The following NFAM1 variants were observed in gnomAD, a reference collection of about 807,000 sequenced individuals.
NFAM1 encodes NFAT activating protein with ITAM motif 1, also known as NFAT activation molecule 1.
NFAM1 carries 17 observed loss-of-function variants against 29.0 expected under a neutral mutation model. The ratio of observed to expected loss-of-function variants is 0.59; its 90% CI spans 0.40 to 0.88. The LOEUF is 0.88. Ranked by LOEUF, NFAM1 falls within the 40% of genes least tolerant of loss-of-function variation. The pLI, the probability that NFAM1 is intolerant of heterozygous loss-of-function variation, is 0.00. For missense variants in NFAM1, 324 were observed against 344.6 expected (o/e 0.94, Z 0.47); for synonymous variants, 175 against 147.2 (o/e 1.19, Z -1.36).
chr22:42,414,425 G>C (rs1930192104), intron 1 of NFAM1, among the ~76,000 whole-genome samples: 2 of 151,994 alleles, frequency 1.3e-5, no homozygotes, highest in South Asian at 4.2e-4. Flanking sequence ...TATAGAGATG[G>C]GGGCTGTTAT....
rs1928914966 is a variant in NFAM1, at chr22:42,380,710, A to C, written c.*4451T>G. 1 of 152,616 alleles carries C rather than the reference A, an allele frequency of 6.6e-6. No individual in the cohort carries two copies. The highest frequency in any genetic ancestry group is 2.4e-5 in the African/African-American group (1 of 41,442). The allele number at this position is 152,616 out of a possible 1,614,324, so 9.5% of individuals were successfully genotyped here. ...GCATAAGCTGTCTGCCAAGAAAACT[A>C]TTGAACTACATAAAAATCCATCCCT... On this transcript the variant is annotated 3_prime_UTR_variant, in exon 6 of 6. Coordinates refer to ENST00000329021, the MANE Select transcript of NFAM1 (RefSeq NM_145912.8).
chr22:42,406,540 T>G (rs568931944), intron 3 of NFAM1, among the ~76,000 whole-genome samples: 1 of 152,260 alleles, frequency 6.6e-6, no homozygotes, highest in South Asian at 2.1e-4. Context: ...CCATGCCCGC[T>G]TCTGCCTCAG....
chr22:42,404,164 T>G (rs777006351), intron 3 of NFAM1, among the ~76,000 whole-genome samples: 5 of 152,276 alleles, frequency 3.3e-5, no homozygotes, highest in Middle Eastern at 3.4e-3. Context: ...TGCTGGCCTT[T>G]GCAGAAGTCA....
intron 1 of NFAM1, among the ~76,000 whole-genome samples, chr22:42,425,806 G>T (rs993377082): frequency 1.3e-5 from 2 of 152,186 alleles, no homozygotes; most frequent in Non-Finnish European, 2.9e-5. Flanking sequence ...TTGGATGCTT[G>T]TTCCTTGGCT....
At chr22:42,433,594 C>T (rs554198719), upstream of NFAM1, among the ~76,000 whole-genome samples, 20 of 152,290 alleles carry the variant, frequency 1.3e-4, no homozygotes, top group African/African-American at 4.3e-4. Flanking sequence ...ACATGCTTTT[C>T]CCTGGGCTGC....
chr22:42,414,378 C>T (rs897394901), intron 1 of NFAM1, among the ~76,000 whole-genome samples: 5 of 151,912 alleles, frequency 3.3e-5, no homozygotes, highest in Admixed American at 2.6e-4. Context: ...CTTCAGGGCA[C>T]GGACTTATCC....
intron 4 of NFAM1, among the ~76,000 whole-genome samples, chr22:42,394,635 T>C (rs369987772): frequency 1.3e-5 from 2 of 152,084 alleles, no homozygotes; most frequent in Non-Finnish European, 1.5e-5. Context: ...ATACTGTAAG[T>C]GCACAAATTA....
intron 3 of NFAM1, among the ~76,000 whole-genome samples, chr22:42,403,267 G>A (rs1929787844): frequency 6.6e-6 from 1 of 152,196 alleles, no homozygotes; most frequent in Admixed American, 6.5e-5. Flanking sequence ...CTGAACGAAG[G>A]CCCAACTCTG....
intron 3 of NFAM1, among the ~76,000 whole-genome samples, chr22:42,404,870 A>T (rs1024308781): frequency 6.6e-6 from 1 of 150,726 alleles, no homozygotes; most frequent in Non-Finnish European, 1.5e-5. Context: ...AAAAAAAAAA[A>T]AAGTGCTCTC....
chr22:42,428,424 C>A (rs1012772365), intron 1 of NFAM1, among the ~76,000 whole-genome samples: 1 of 152,144 alleles, frequency 6.6e-6, no homozygotes, highest in East Asian at 1.9e-4. Flanking sequence ...CAGGCAGGGG[C>A]TCCTGAACAT....
intron 5 of NFAM1, among the ~76,000 whole-genome samples, chr22:42,385,934 T>C (rs1929123466): frequency 6.6e-6 from 1 of 152,164 alleles, no homozygotes; most frequent in Non-Finnish European, 1.5e-5. Context: ...TGGGCTCCTG[T>C]TCTGGCTGAA....
intron 4 of NFAM1, among the ~76,000 whole-genome samples, chr22:42,391,014 C>T (rs1929321971): frequency 6.6e-6 from 1 of 152,092 alleles, no homozygotes; most frequent in South Asian, 2.1e-4. Context: ...TGACCAAGGG[C>T]TCAAAACCGC....
intron 3 of NFAM1, among the ~76,000 whole-genome samples, chr22:42,399,459 AAAAAG>A (rs1335568851): frequency 0.033 from 3,738 of 113,544 alleles, 113 homozygotes; most frequent in African/African-American, 0.11. Context: ...AAAAAAAAAA[AAAAAG>A]AAAGAAAGAA....
At chr22:42,412,023 A>G (rs1930112330) in intron 1 of NFAM1, among the ~76,000 whole-genome samples, 1 of 152,204 alleles carries the variant, frequency 6.6e-6, no homozygotes, top group Admixed American at 6.5e-5. Context: ...ACCTGAGGTC[A>G]GGAGTTTGAG....
chr22:42,390,816 CAAAAAAA>C (rs11343542), intron 4 of NFAM1, among the ~76,000 whole-genome samples: 1 of 107,610 alleles, frequency 9.3e-6, no homozygotes, highest in Non-Finnish European at 2.0e-5. Flanking sequence ...GACTCCGTCT[CAAAAAAA>C]AAAAAAAAAA....
intron 1 of NFAM1, among the ~76,000 whole-genome samples, chr22:42,428,844 CAGA>C (rs1026693437): frequency 5.5e-4 from 83 of 152,278 alleles, no homozygotes; most frequent in African/African-American, 1.9e-3. Context: ...CAGCTGTCAC[CAGA>C]AGAAGGCAGG....
chr22:42,390,295 G>C (rs1163024172), intron 4 of NFAM1, among the ~76,000 whole-genome samples: 1 of 152,124 alleles, frequency 6.6e-6, no homozygotes, highest in East Asian at 1.9e-4. Flanking sequence ...ACAGGCTTCT[G>C]CCCATCATAT....
chr22:42,426,595 C>A (rs561480185), intron 1 of NFAM1, among the ~76,000 whole-genome samples: 2 of 152,326 alleles, frequency 1.3e-5, no homozygotes, highest in South Asian at 4.1e-4. Context: ...GCCCTCCAGG[C>A]CCTCTGTTTT....
chr22:42,430,107 T>A (rs1451569875), intron 1 of NFAM1, among the ~76,000 whole-genome samples: 2 of 143,100 alleles, frequency 1.4e-5, no homozygotes, highest in African/African-American at 2.6e-5. Flanking sequence ...TACGAAAAAA[T>A]TTAAAAAATA....
Sources: gnomAD v4.1 joint callset for allele counts (sites outside exome capture counted in the v4.1 genomes callset) on GRCh38, gnomAD v4.1.1 for gene constraint, MANE v1.5 for transcripts, NCBI Gene and HGNC (gene_info 2026-07-23, HGNC 2026-07-21) for gene names.